Variants in SIPA1L3 observed in about 807,000 individuals in gnomAD.
SIPA1L3 encodes signal-induced proliferation-associated 1-like protein 3.
SIPA1L3 carries 59 observed loss-of-function variants against 150.1 expected under a neutral mutation model. The ratio of observed to expected loss-of-function variants is 0.39; its 90% confidence interval spans 0.32 to 0.49. The LOEUF (loss-of-function observed/expected upper bound fraction) is 0.49, where lower values mean the gene tolerates loss of function less well. SIPA1L3 is among the 20% of genes least tolerant of loss of function. The pLI, the probability that SIPA1L3 is intolerant of heterozygous loss-of-function variation, is 0.86. For synonymous variants in SIPA1L3, 1,070 were observed against 1,077.6 expected (o/e 0.99, Z 0.14); for missense variants, 2,211 against 2,489.5 (o/e 0.89, Z 2.38).
intron 2 of SIPA1L3, among the ~76,000 whole-genome samples, chr19:38,044,350 C>T (rs1247029605): frequency 6.6e-6 from 1 of 152,098 alleles, no homozygotes; most frequent in Non-Finnish European, 1.5e-5. Context: ...GTCCCCAGCA[C>T]AGAGGTGTTG....
intron 1 of SIPA1L3, among the ~76,000 whole-genome samples, chr19:37,911,668 C>T (rs1200798779): frequency 9.9e-5 from 15 of 151,698 alleles, no homozygotes; most frequent in Admixed American, 9.9e-4. Context: ...CCCGCCACCA[C>T]GCCCGGCTAA....
At chr19:38,190,496 A>G (rs1972784262) in intron 16 of SIPA1L3, among the ~76,000 whole-genome samples, 1 of 152,064 alleles carries the variant, frequency 6.6e-6, no homozygotes, top group South Asian at 2.1e-4. Flanking sequence ...CCAGGAAAAA[A>G]CCTGGCCTTG....
intron 4 of SIPA1L3, among the ~76,000 whole-genome samples, chr19:38,090,256 G>A (rs1453002191): frequency 1.3e-5 from 2 of 151,304 alleles, no homozygotes; most frequent in Non-Finnish European, 2.9e-5. Context: ...CTTGAACCCG[G>A]GAGGCAGAGG....
intron 1 of SIPA1L3, among the ~76,000 whole-genome samples, chr19:38,002,295 TA>T (rs1967823867): frequency 6.6e-6 from 1 of 152,218 alleles, no homozygotes. Context: ...AATCATCCGG[TA>T]TTTGTCCTTT....
At chr19:38,149,604 C>G (rs111443623) in intron 12 of SIPA1L3, among the ~76,000 whole-genome samples, 4 of 152,302 alleles carry the variant, frequency 2.6e-5, no homozygotes, top group African/African-American at 9.6e-5. Context: ...CCAGGCCCCC[C>G]CTCCTTGATG....
chr19:37,920,899 C>G (rs1261681031), intron 1 of SIPA1L3, among the ~76,000 whole-genome samples: 1 of 152,188 alleles, frequency 6.6e-6, no homozygotes, highest in Non-Finnish European at 1.5e-5. Flanking sequence ...TCCCTGAGAT[C>G]TGTTTCCCTC....
intron 13 of SIPA1L3, among the ~76,000 whole-genome samples, chr19:38,156,676 T>G (rs1971956095): frequency 6.6e-6 from 1 of 151,854 alleles, no homozygotes; most frequent in Non-Finnish European, 1.5e-5. Context: ...AATATAAAAA[T>G]TAGCTGGGTG....
intron 18 of SIPA1L3, among the ~76,000 whole-genome samples, chr19:38,195,929 G>A (rs1310882211): frequency 6.6e-6 from 1 of 151,944 alleles, no homozygotes; most frequent in African/African-American, 2.4e-5. Context: ...CCCCAAAGAC[G>A]GGGCCTGGGG....
chr19:38,186,183 C>T (rs1486795051), intron 16 of SIPA1L3: 17 of 152,160 alleles, frequency 1.1e-4, no homozygotes, highest in Non-Finnish European at 2.9e-5. Context: ...TGATGAAATC[C>T]AGAGATGGCT....
intron 1 of SIPA1L3, among the ~76,000 whole-genome samples, chr19:37,912,121 C>G (rs1429317826): frequency 6.6e-6 from 1 of 151,846 alleles, no homozygotes; most frequent in Non-Finnish European, 1.5e-5. Context: ...CCTGTAATCC[C>G]AGCTACTTGG....
At chr19:38,090,974 C>T (rs947761500) in intron 4 of SIPA1L3, among the ~76,000 whole-genome samples, 2 of 152,252 alleles carry the variant, frequency 1.3e-5, no homozygotes, top group African/African-American at 2.4e-5. Flanking sequence ...CTCCCTCTAC[C>T]CACCTTTCTG....
chr19:38,205,498 T>C (rs113816480), intron 21 of SIPA1L3, among the ~76,000 whole-genome samples: 1 of 151,358 alleles, frequency 6.6e-6, no homozygotes, highest in Admixed American at 6.6e-5. Flanking sequence ...CTTTTATCTA[T>C]TGTTTCTATA....
At chr19:38,192,844 G>A (rs1305169638) in intron 17 of SIPA1L3, among the ~76,000 whole-genome samples, 1 of 152,160 alleles carries the variant, frequency 6.6e-6, no homozygotes. Context: ...CCAGGGTTGG[G>A]TCCCACCAGC....
intron 15 of SIPA1L3, among the ~76,000 whole-genome samples, chr19:38,172,859 C>G (rs1020570862): frequency 3.9e-5 from 6 of 152,132 alleles, no homozygotes; most frequent in Non-Finnish European, 8.8e-5. Context: ...CCTGTAATCC[C>G]AGCACTTTGG....
chr19:38,153,185 C>T (rs1317446915), intron 13 of SIPA1L3, among the ~76,000 whole-genome samples: 1 of 152,202 alleles, frequency 6.6e-6, no homozygotes, highest in Non-Finnish European at 1.5e-5. Flanking sequence ...CGGCAGGTGG[C>T]GTCTGCTCCC....
intron 1 of SIPA1L3, among the ~76,000 whole-genome samples, chr19:37,937,061 C>G (rs2046606921): frequency 6.6e-6 from 1 of 152,138 alleles, no homozygotes; most frequent in African/African-American, 2.4e-5. Flanking sequence ...TGGGATCTTG[C>G]TATGTTGCCC....
At position 37,973,565 on chromosome 19, in the gene SIPA1L3, G is replaced by GTT. The variant is rs1555772360; in HGVS notation, c.-378-55524_-378-55523insTT. Among the ~76,000 whole-genome samples, 3 of 142,612 alleles carry GTT rather than the reference G, an allele frequency of 2.1e-5. 1 individual carries two copies. Among genetic ancestry groups the GTT allele is most frequent in the Admixed American group, 2.1e-4 (3 of 14,530 alleles). 93.6% of individuals were successfully genotyped at this position (142,612 alleles called of 152,430 possible). A position where few individuals can be genotyped will look rare whatever the true frequency, so the allele number is the denominator to read the frequency against. On this transcript the variant is annotated intron_variant, in intron 1 of 21. Transcript: ENST00000222345. ...AAAAAAAAAAAAAAAGCGGGAGGGGGGCGCATCTTGAAGCACTAAAACGCC... is the reference window on the plus strand; with the variant it reads ...AAAAAAAAAAAAAAAGCGGGAGGGGGTTGCGCATCTTGAAGCACTAAAACGCC...
intron 3 of SIPA1L3, among the ~76,000 whole-genome samples, chr19:38,086,479 G>A (rs1426410679): frequency 6.6e-6 from 1 of 151,948 alleles, no homozygotes; most frequent in Non-Finnish European, 1.5e-5. Context: ...ACTTGCCCCA[G>A]GAGTTAGAGA....
In SIPA1L3 at chr19:38,082,563, C is replaced by A. The variant is rs1320351599; in HGVS notation, c.998C>A (p.Pro333Gln). Reference sequence around the variant, plus strand: ...CGGAGCCCCCCGGAAGCCAGCAGGCCGTGGGTGTGTCAGAAGAGCTTCGCC... The same window carrying A: ...CGGAGCCCCCCGGAAGCCAGCAGGCAGTGGGTGTGTCAGAAGAGCTTCGCC... ...EGRSPPEASR[P>Q]WVCQKSFAHF... The change falls in exon 3 of 22, where the codon CCG becomes CAG. Residue 333 changes from proline (P) to glutamine (Q), a missense_variant. Transcript: ENST00000222345. The A allele has an allele frequency of 1.2e-6, 2 of 1,603,896 alleles. No individual in the cohort carries two copies. Among genetic ancestry groups the A allele is most frequent in the Admixed American group, 3.3e-5 (2 of 59,892 alleles).
Sources: gnomAD v4.1 joint callset for allele counts (sites outside exome capture counted in the v4.1 genomes callset) on GRCh38, gnomAD v4.1.1 for gene constraint, MANE v1.5 for transcripts, NCBI Gene and HGNC (gene_info 2026-07-23, HGNC 2026-07-21) for gene names.